RRM2: variants seen among roughly 807,000 people sequenced by gnomAD.
RRM2 encodes ribonucleoside-diphosphate reductase subunit M2.
A neutral mutation model predicts 45.9 loss-of-function variants in RRM2; 6 were observed. The observed-to-expected ratio is 0.13, with a 90% confidence interval of 0.07 to 0.26. The LOEUF (loss-of-function observed/expected upper bound fraction) is 0.26. RRM2 is among the 10% of genes least tolerant of loss of function. The probability of loss-of-function intolerance (pLI) is 1.00; values close to 1 mark genes in which losing one functional copy is unlikely to be tolerated. For missense variants in RRM2, 343 were observed against 489.5 expected (o/e 0.70, Z 2.82); for synonymous variants, 177 against 173.0 (o/e 1.02, Z -0.18).
At chr2:10,200,989 A>C (rs915079335) in intron 3 of RRM2, among the ~76,000 whole-genome samples, 1 of 152,138 alleles carries the variant, frequency 6.6e-6, no homozygotes, top group African/African-American at 2.4e-5. Context: ...TGTACTAAAA[A>C]ACACAAAAGT....
At position 10,127,430 on chromosome 2, in the gene RRM2, G is replaced by T; in HGVS notation, c.798+210G>T. ...ATTCTCAATATATTGTAATACATTTGTACATATGTATTCCCCTATAGGCTT... is the reference window on the plus strand; with the variant it reads ...ATTCTCAATATATTGTAATACATTTTTACATATGTATTCCCCTATAGGCTT... On this transcript the variant is annotated intron_variant, in intron 7 of 9. Transcript: ENST00000304567. The surrounding 1 kb of genome is among the most constrained non-coding windows in gnomAD (Gnocchi z 4.1). 2 of 569,610 alleles carry T rather than the reference G, an allele frequency of 3.5e-6. No homozygotes were observed. The highest frequency in any genetic ancestry group is 2.9e-5 in the East Asian group (1 of 34,044). 35.3% of individuals were successfully genotyped at this position (569,610 alleles called of 1,614,324 possible).
At chr2:10,157,964 G>A (rs999486454) in intron 3 of RRM2, among the ~76,000 whole-genome samples, 49 of 152,274 alleles carry the variant, frequency 3.2e-4, no homozygotes, top group African/African-American at 1.1e-3. Flanking sequence ...ATGAGTTCAT[G>A]AATAAATGAA....
intron 3 of RRM2, among the ~76,000 whole-genome samples, chr2:10,158,256 G>T (rs978860234): frequency 1.3e-5 from 2 of 152,172 alleles, no homozygotes; most frequent in African/African-American, 4.8e-5. Context: ...TTGTTGAGTG[G>T]GTGAGGGGGT....
chr2:10,138,832 G>T (rs982550608), upstream of RRM2, among the ~76,000 whole-genome samples: 1 of 152,146 alleles, frequency 6.6e-6, no homozygotes, highest in Non-Finnish European at 1.5e-5. Context: ...TCTTGGCCAG[G>T]CGTGGTGGCT....
chr2:10,137,750 C>T (rs1248062940), upstream of RRM2, among the ~76,000 whole-genome samples: 1 of 152,178 alleles, frequency 6.6e-6, no homozygotes, highest in Admixed American at 6.5e-5. Flanking sequence ...GGGGCAGCAG[C>T]TGCCTGGGTG....
chr2:10,122,692 G>A, upstream of RRM2: 2 of 1,550,892 alleles, frequency 1.3e-6, no homozygotes, highest in Middle Eastern at 1.7e-4. Flanking sequence ...AGGGCCGGGA[G>A]CGCGCGGCGC....
intron 3 of RRM2, among the ~76,000 whole-genome samples, chr2:10,146,964 A>T (rs6707406): frequency 0.63 from 95,192 of 151,812 alleles, 30,339 homozygotes; most frequent in African/African-American, 0.7. Flanking sequence ...ATTTATTTTT[A>T]TTTATTTTTT....
intron 3 of RRM2, among the ~76,000 whole-genome samples, chr2:10,199,779 CAAAAAAAAAA>C (rs796262395): frequency 1.5e-3 from 22 of 14,300 alleles, no homozygotes; most frequent in African/African-American, 4.1e-3. Context: ...GACTCAGTCT[CAAAAAAAAAA>C]AAAAAAAAAA....
At chr2:10,163,711 G>A (rs1247124586) in intron 3 of RRM2, among the ~76,000 whole-genome samples, 4 of 152,248 alleles carry the variant, frequency 2.6e-5, no homozygotes, top group Non-Finnish European at 4.4e-5. Flanking sequence ...CAGTGGCCGC[G>A]CTCTGTCCCT....
rs1409727965 is a variant in RRM2, at chr2:10,171,562, C to G, written n.482+29187C>G. Reference sequence around the variant, plus strand: ...TGTCCCCCGGTCAGTGCCAGAGTCTCCCTAATGTGGCCTGTGAGACAGAGC... The same window carrying G: ...TGTCCCCCGGTCAGTGCCAGAGTCTGCCTAATGTGGCCTGTGAGACAGAGC... On this transcript the variant is annotated intron_variant and non_coding_transcript_variant, in intron 3 of 3. Coordinates refer to the RRM2 transcript ENST00000381786. The surrounding 1 kb of genome is among the most constrained non-coding windows in gnomAD (Gnocchi z 4.1). 6.6e-6 allele frequency among the ~76,000 whole-genome samples: 1 copy of G among 152,164 alleles called. No individual in the cohort carries two copies. The highest frequency in any genetic ancestry group is 2.4e-5 in the African/African-American group (1 of 41,440).
chr2:10,148,432 A>C (rs1663238025), intron 3 of RRM2, among the ~76,000 whole-genome samples: 1 of 152,168 alleles, frequency 6.6e-6, no homozygotes. Flanking sequence ...TGCAAGTTCA[A>C]AAAGGTTTCT....
At chr2:10,166,895 G>C (rs1663694098) in intron 3 of RRM2, among the ~76,000 whole-genome samples, 1 of 152,242 alleles carries the variant, frequency 6.6e-6, no homozygotes, top group African/African-American at 2.4e-5. Context: ...GCGGGGTTGG[G>C]AGCGTGGCAA....
chr2:10,166,332 C>T (rs1381992790), intron 3 of RRM2, among the ~76,000 whole-genome samples: 3 of 152,228 alleles, frequency 2.0e-5, no homozygotes, highest in Non-Finnish European at 4.4e-5. Context: ...AGCCCTTCTC[C>T]CGGGCCCTGC....
At chr2:10,207,614 G>A (rs1175720247) in intron 3 of RRM2, among the ~76,000 whole-genome samples, 1 of 152,048 alleles carries the variant, frequency 6.6e-6, no homozygotes. Context: ...TCTTGTCTGT[G>A]CTGTTTTCAC....
intron 3 of RRM2, chr2:10,199,276 T>TGG (rs1553329233): frequency 5.5e-5 from 1 of 18,068 alleles, no homozygotes; most frequent in Non-Finnish European, 1.0e-4. Context: ...GATCTCCAGC[T>TGG]AGAAAAAAAA....
intron 3 of RRM2, among the ~76,000 whole-genome samples, chr2:10,190,602 GCGA>G (rs1664280864): frequency 6.6e-6 from 1 of 151,472 alleles, no homozygotes; most frequent in African/African-American, 2.4e-5. Context: ...GGTGATGTTG[GCGA>G]TGATGGTGGT....
chr2:10,122,839 CG>C lies in RRM2; in HGVS notation c.42del (p.Gln15SerfsTer8). On this transcript the variant is annotated frameshift_variant, in exon 1 of 10. Coordinates refer to ENST00000304567, the MANE Select transcript of RRM2 (RefSeq NM_001034.4). LOFTEE classifies it high-confidence loss of function. Reference protein sequence around the residue: ...LRVPLAPITDPQQLQLSPLKG... With the variant: ...LRVPLAPITDXQQLQLSPLKG... ...GTCCCGCTCGCGCCCATCACGGACCCGCAGCAGCTGCAGCTCTCGCCGCTGA... is the reference window on the plus strand; with the variant it reads ...GTCCCGCTCGCGCCCATCACGGACCCCAGCAGCTGCAGCTCTCGCCGCTGA... 1 of 1,601,806 alleles carries C rather than the reference CG, an allele frequency of 6.2e-7. No homozygotes were observed. Among genetic ancestry groups the C allele is most frequent in the Non-Finnish European group, 8.5e-7 (1 of 1,175,784 alleles).
In RRM2 at chr2:10,172,056, T is replaced by C. The variant is rs1663816595; in HGVS notation, n.482+29681T>C. ...AGGATGAGGGGAAGCACAGCTCCTT[T>C]GGGGTCTGCGTGCATTTGAGCATGA... is the stretch of plus-strand genomic sequence containing the variant. On this transcript the variant is annotated intron_variant and non_coding_transcript_variant, in intron 3 of 3. Coordinates refer to the RRM2 transcript ENST00000381786. The surrounding 1 kb of genome is among the most constrained non-coding windows in gnomAD (Gnocchi z 4.9). 6.6e-6 allele frequency among the ~76,000 whole-genome samples: 1 copy of C among 152,132 alleles called. No homozygotes were observed. The highest frequency in any genetic ancestry group is 1.5e-5 in the Non-Finnish European group (1 of 68,024).
At chr2:10,135,872 C>T (rs920397933), downstream of RRM2, among the ~76,000 whole-genome samples, 19 of 152,136 alleles carry the variant, frequency 1.2e-4, no homozygotes, top group African/African-American at 4.1e-4. Flanking sequence ...TTCATCCCTG[C>T]CTCCCCAGGG....
Sources: gnomAD v4.1 joint callset for allele counts (sites outside exome capture counted in the v4.1 genomes callset) on GRCh38, gnomAD v4.1.1 for gene constraint, Gnocchi (gnomAD v3.1) non-coding constraint, MANE v1.5 for transcripts, NCBI Gene and HGNC (gene_info 2026-07-23, HGNC 2026-07-21) for gene names.